PPM1H: variants seen among roughly 807,000 people sequenced by gnomAD.
PPM1H encodes protein phosphatase, Mg2+/Mn2+ dependent 1H.
A neutral mutation model predicts 54.9 loss-of-function variants in PPM1H; 27 were observed. That is an observed-to-expected ratio of 0.49 (90% CI 0.36 to 0.68). The LOEUF (loss-of-function observed/expected upper bound fraction) is 0.68. Ranked by LOEUF, PPM1H falls within the 30% of genes least tolerant of loss-of-function variation. The pLI is 0.00. For synonymous variants in PPM1H, 305 were observed against 270.8 expected, an observed-to-expected ratio of 1.13 and a Z score of -1.24; for missense variants, 596 against 667.8, an observed-to-expected ratio of 0.89 and a Z score of 1.19.
At chr12:62,894,551 C>G (rs554919992) in intron 1 of PPM1H, among the ~76,000 whole-genome samples, 1 of 152,184 alleles carries the variant, frequency 6.6e-6, no homozygotes. Context: ...TACTTATACT[C>G]TTAGCTGTTC....
chr12:62,925,599 C>T (rs1461983779), intron 1 of PPM1H, among the ~76,000 whole-genome samples: 1 of 152,140 alleles, frequency 6.6e-6, no homozygotes, highest in Admixed American at 6.5e-5. Flanking sequence ...AATGAACAAA[C>T]AACAATGAGC....
chr12:62,876,565 C>A (rs1251627519), intron 1 of PPM1H, among the ~76,000 whole-genome samples: 1 of 152,174 alleles, frequency 6.6e-6, no homozygotes, highest in Non-Finnish European at 1.5e-5. Context: ...AAAGAAAACA[C>A]AAGTGGGCAG....
At chr12:62,892,198 C>G (rs1258331124) in intron 1 of PPM1H, among the ~76,000 whole-genome samples, 1 of 152,118 alleles carries the variant, frequency 6.6e-6, no homozygotes, top group Non-Finnish European at 1.5e-5. Flanking sequence ...CCAGTTAAAT[C>G]ACTAGAAAAT....
At chr12:62,667,964 T>C (rs1289004471) in intron 8 of PPM1H, among the ~76,000 whole-genome samples, 1 of 152,196 alleles carries the variant, frequency 6.6e-6, no homozygotes, top group Non-Finnish European at 1.5e-5. Context: ...GCTCTGACAC[T>C]ACCTTCATGT....
At chr12:62,838,899 C>T (rs1435244446) in intron 1 of PPM1H, among the ~76,000 whole-genome samples, 10 of 71,604 alleles carry the variant, frequency 1.4e-4, no homozygotes, top group Non-Finnish European at 1.8e-4. Context: ...CCAGCCTGGG[C>T]GACAGAGCGA....
chr12:62,675,294 C>T (rs1274402623), intron 8 of PPM1H, among the ~76,000 whole-genome samples: 1 of 152,116 alleles, frequency 6.6e-6, no homozygotes. Context: ...ATAACCAATG[C>T]CTAGCTGCTA....
At chr12:62,762,535 CA>C (rs1447365650) in intron 4 of PPM1H, among the ~76,000 whole-genome samples, 1 of 152,200 alleles carries the variant, frequency 6.6e-6, no homozygotes, top group Non-Finnish European at 1.5e-5. Flanking sequence ...ATCCTTATAG[CA>C]GACACACCTG....
intron 2 of PPM1H, among the ~76,000 whole-genome samples, chr12:62,805,741 G>C (rs956531175): frequency 2.0e-5 from 3 of 152,172 alleles, no homozygotes; most frequent in Non-Finnish European, 4.4e-5. Flanking sequence ...AAAGTTTCAG[G>C]TATAAAATGA....
At chr12:62,899,702 A>G (rs887773090) in intron 1 of PPM1H, among the ~76,000 whole-genome samples, 1 of 152,240 alleles carries the variant, frequency 6.6e-6, no homozygotes, top group Non-Finnish European at 1.5e-5. Flanking sequence ...TCAACTGTAA[A>G]GACAACAAAG....
intron 9 of PPM1H, among the ~76,000 whole-genome samples, chr12:62,661,095 A>C (rs1389361825): frequency 6.6e-6 from 1 of 152,034 alleles, no homozygotes; most frequent in Non-Finnish European, 1.5e-5. Flanking sequence ...CACCTCCAAG[A>C]CCAGTCAGCC....
intron 6 of PPM1H, among the ~76,000 whole-genome samples, chr12:62,702,076 C>T (rs184884409): frequency 1.2e-3 from 183 of 152,280 alleles, no homozygotes; most frequent in Non-Finnish European, 2.1e-3. Context: ...AAAGATATCC[C>T]CCATTCACTC....
Position 62,892,800 on chromosome 12 carries a change from G to A in PPM1H, c.245+41692C>T, listed in dbSNP as rs147619938. Among the ~76,000 whole-genome samples, 196 of 152,100 alleles carry A rather than the reference G, an allele frequency of 1.3e-3. 1 individual carries two copies. Among genetic ancestry groups the A allele is most frequent in the African/African-American group, 4.5e-3 (186 of 41,470 alleles). Reference sequence around the variant, plus strand: ...GATTTCAGAGAAATTAAAATGTGGGGGCAAATGTACATTTCAAAAGTAAGG... The same window carrying A: ...GATTTCAGAGAAATTAAAATGTGGGAGCAAATGTACATTTCAAAAGTAAGG... On this transcript the variant is annotated intron_variant, in intron 1 of 9. Transcript: ENST00000228705.
chr12:62,807,337 C>T (rs753048977), intron 2 of PPM1H, among the ~76,000 whole-genome samples: 3 of 152,160 alleles, frequency 2.0e-5, no homozygotes, highest in Admixed American at 6.5e-5. Flanking sequence ...GGGTGAAAGT[C>T]ATGATGCTAA....
rs953762424 is a variant in PPM1H at position 62,922,411 on chromosome 12, C to G, written c.245+12081G>C. Among the ~76,000 whole-genome samples the G allele has an allele frequency of 1.5e-4, 22 of 151,410 alleles. 1 individual carries two copies. Among genetic ancestry groups the G allele is most frequent in the Non-Finnish European group, 2.9e-5 (2 of 67,964 alleles). On this transcript the variant is annotated intron_variant, in intron 1 of 9. Transcript: ENST00000228705. ...AGTGATGGTCACCAGGGTCATGGGA[C>G]AGCCTGCGATTCTAAAGTAACTTGA...
At chr12:62,668,062 T>G (rs1423941287) in intron 8 of PPM1H, among the ~76,000 whole-genome samples, 2 of 152,206 alleles carry the variant, frequency 1.3e-5, no homozygotes, top group African/African-American at 4.8e-5. Context: ...CTTAAGTCTT[T>G]CCTCATGTCT....
intron 6 of PPM1H, among the ~76,000 whole-genome samples, chr12:62,700,425 A>G (rs2076137854): frequency 6.6e-6 from 1 of 152,038 alleles, no homozygotes; most frequent in Non-Finnish European, 1.5e-5. Context: ...TCCTGTCTCC[A>G]CCTGTGGCAA....
intron 6 of PPM1H, 74 bp downstream of exon 6, chr12:62,720,097 C>G: frequency 7.7e-7 from 1 of 1,290,516 alleles, no homozygotes; most frequent in Non-Finnish European, 1.1e-6. Flanking sequence ...AACTGTGTAA[C>G]TGGCTGTTTA....
At chr12:62,695,878 A>G (rs12310583) in intron 6 of PPM1H, among the ~76,000 whole-genome samples, 40,079 of 151,980 alleles carry the variant, frequency 0.26, 5,500 homozygotes, top group East Asian at 0.38. Flanking sequence ...CAGGGATTGA[A>G]GACCCCATGT....
rs537562161 is a variant in PPM1H at position 62,747,477 on chromosome 12, A to T, written c.870-9891T>A. Among the ~76,000 whole-genome samples the T allele has an allele frequency of 2.6e-5, 4 of 152,316 alleles. No homozygotes were observed. In the East Asian group the frequency reaches 7.7e-4, roughly 29 times the overall value. On this transcript the variant is annotated intron_variant, in intron 4 of 9. Transcript: ENST00000228705. ...TAGAGATGGGTACCGGGTTTAAGTG[A>T]TCCTCACACCTAAGCCTCCGAAAGT... is the stretch of plus-strand genomic sequence containing the variant.
Sources: allele counts gnomAD v4.1 joint callset (sites outside exome capture counted in the v4.1 genomes callset), GRCh38; gene constraint gnomAD v4.1.1; transcripts MANE v1.5; gene names NCBI Gene and HGNC (gene_info 2026-07-23, HGNC 2026-07-21).